The following TFB2M variants were observed in gnomAD, a reference collection of about 807,000 sequenced individuals.
The protein encoded by TFB2M is transcription factor B2, mitochondrial.
Under a neutral mutation model 41.3 loss-of-function variants are expected in TFB2M, and 44 were observed. The observed-to-expected ratio is 1.07, with a 90% confidence interval of 0.84 to 1.37. TFB2M has a LOEUF of 1.37. TFB2M is among the 40% of genes most tolerant of loss of function. The pLI is 0.00. For synonymous variants in TFB2M, 188 were observed against 176.8 expected, an observed-to-expected ratio of 1.06 and a Z score of -0.50; for missense variants, 496 against 490.2, an observed-to-expected ratio of 1.01 and a Z score of -0.11.
At chr1:246,543,410 G>A (rs987959563) in intron 7 of TFB2M, among the ~76,000 whole-genome samples, 8 of 151,882 alleles carry the variant, frequency 5.3e-5, no homozygotes, top group East Asian at 3.9e-4. Context: ...GGCTGGGCGC[G>A]GGAGCTCATG....
At chr1:246,554,929 G>A (rs918813094) in intron 4 of TFB2M, among the ~76,000 whole-genome samples, 12 of 152,014 alleles carry the variant, frequency 7.9e-5, no homozygotes, top group African/African-American at 2.9e-4. Context: ...CCATAGAATG[G>A]GAGAAAATAT....
In TFB2M at chr1:246,566,222, T is replaced by C; in HGVS notation, c.-84A>G. Reference sequence around the variant, plus strand: ...CACGCAGGGTATCCCACGTGGAACATTTTCTGGCGTCCGGGCCAGGTCAAG... The same window carrying C: ...CACGCAGGGTATCCCACGTGGAACACTTTCTGGCGTCCGGGCCAGGTCAAG... On this transcript the variant is annotated 5_prime_UTR_variant, in exon 1 of 8. It removes an upstream start codon present in the reference 5' UTR. Transcript: ENST00000366514. 1 of 1,412,174 alleles carries C rather than the reference T, an allele frequency of 7.1e-7. No homozygotes were observed. The highest frequency in any genetic ancestry group is 9.6e-7 in the Non-Finnish European group (1 of 1,040,142). The allele number at this position is 1,412,174 out of a possible 1,614,324, so 87.5% of individuals were successfully genotyped here.
At chr1:246,546,693 C>T (rs1001186148) in intron 6 of TFB2M, among the ~76,000 whole-genome samples, 1 of 149,336 alleles carries the variant, frequency 6.7e-6, no homozygotes, top group East Asian at 1.9e-4. Context: ...TGAGTCCTTG[C>T]TATATTCAAG....
chr1:246,555,260 C>T (rs566560175), intron 4 of TFB2M, among the ~76,000 whole-genome samples: 2 of 152,110 alleles, frequency 1.3e-5, no homozygotes, highest in African/African-American at 4.8e-5. Flanking sequence ...GGTGCATCCA[C>T]GACGGATAAC....
intron 6 of TFB2M, among the ~76,000 whole-genome samples, chr1:246,545,074 G>A (rs1406700502): frequency 6.6e-6 from 1 of 151,672 alleles, no homozygotes; most frequent in Non-Finnish European, 1.5e-5. Flanking sequence ...CCAAAGTGCT[G>A]GGATTACAGG....
rs769805998 is a variant in TFB2M at position 246,541,063 on chromosome 1, A to G, written c.1159T>C (p.Trp387Arg). 1 of 1,613,464 alleles carries G rather than the reference A, an allele frequency of 6.2e-7. No homozygotes were observed. Among genetic ancestry groups the G allele is most frequent in the Non-Finnish European group, 8.5e-7 (1 of 1,179,682 alleles). Residue 387 changes from tryptophan to arginine, a missense_variant, in exon 8 of 8, where the codon TGG becomes CGG. By Grantham distance (101) the Trp-to-Arg change is moderately radical. Transcript: ENST00000366514. ...IERSKDCAYK[W>R]LYDETLEDR Reference sequence around the variant, plus strand: ...TCTTCCAGGGTTTCATCATACAGCCATTTATAAGCACAATCTTTGGAACGC... The same window carrying G: ...TCTTCCAGGGTTTCATCATACAGCCGTTTATAAGCACAATCTTTGGAACGC...
intron 3 of TFB2M, 143 bp downstream of exon 3, chr1:246,557,238 A>C (rs1432172831): frequency 1.5e-5 from 14 of 915,450 alleles, no homozygotes. Context: ...GCGCCACTGC[A>C]CTCCAGCCTG....
chr1:246,556,274 C>T lies in TFB2M; in HGVS notation c.705+299G>A, dbSNP rs1179631976. 4.6e-5 allele frequency among the ~76,000 whole-genome samples: 7 copies of T among 152,062 alleles called. No homozygotes were observed. In the South Asian group the frequency reaches 8.3e-4, roughly 18 times the overall value. On this transcript the variant is annotated intron_variant, in intron 4 of 7. Transcript: ENST00000366514. ...GAGACAGAAAGTAGAATAATGATTA[C>T]TAGGGGACGCAGGAAGAGGGAAACG...
In TFB2M at chr1:246,557,457, T is replaced by TC. The variant is rs1659353734; in HGVS notation, c.479dup (p.Val161SerfsTer14). On this transcript the variant is annotated frameshift_variant, in exon 3 of 8. Coordinates refer to ENST00000366514, the MANE Select transcript of TFB2M (RefSeq NM_022366.3). LOFTEE classifies it high-confidence loss of function. The stretch of plus-strand genomic sequence containing the variant: ...AAGACATAGCAGGTGGTTTTATTAC[T>TC]CCACCACTTCTAGGATCTAGTTTAA... The TC allele has an allele frequency of 6.2e-7, 1 of 1,613,432 alleles. No homozygotes were observed. Among genetic ancestry groups the TC allele is most frequent in the Admixed American group, 1.7e-5 (1 of 59,926 alleles).
rs1658843224 is a variant in TFB2M at position 246,541,142 on chromosome 1, C to T, written c.1080G>A (p.Glu360=). ...CTTGAGGGTGCATGTTAACTACTTT[C>T]TCATCCTCCTGTTTTCCTATTTGCA... ...ILMQIGKQED[E]KVVNMHPQDF... The change falls in exon 8 of 8, where the codon GAG becomes GAA. Residue 360 remains glutamate, a synonymous_variant. Coordinates refer to ENST00000366514, the MANE Select transcript of TFB2M (RefSeq NM_022366.3). 1.4e-5 allele frequency: 23 copies of T among 1,614,106 alleles called. No homozygotes were observed. The highest frequency in any genetic ancestry group is 1.9e-5 in the Non-Finnish European group (23 of 1,179,974).
chr1:246,553,726 G>C (rs1484397048), intron 4 of TFB2M, among the ~76,000 whole-genome samples: 7 of 152,184 alleles, frequency 4.6e-5, no homozygotes, highest in Admixed American at 3.9e-4. Flanking sequence ...GACATTTCAT[G>C]TTCGTGGATT....
At chr1:246,562,174 T>G (rs1659472916) in intron 2 of TFB2M, among the ~76,000 whole-genome samples, 1 of 152,160 alleles carries the variant, frequency 6.6e-6, no homozygotes, top group South Asian at 2.1e-4. Flanking sequence ...ACAGACATTT[T>G]CACAATTTTT....
At chr1:246,551,137 T>C in intron 5 of TFB2M, 76 bp downstream of exon 5, 1 of 1,117,260 alleles carries the variant, frequency 9.0e-7, no homozygotes, top group Non-Finnish European at 1.4e-6. Flanking sequence ...ATTGTGCCAC[T>C]GCACTCCAGC....
At chr1:246,552,804 T>C (rs747628433) in intron 4 of TFB2M, among the ~76,000 whole-genome samples, 1 of 152,002 alleles carries the variant, frequency 6.6e-6, no homozygotes, top group Non-Finnish European at 1.5e-5. Context: ...CTGAGTATGG[T>C]AGCTCACACT....
intron 6 of TFB2M, among the ~76,000 whole-genome samples, chr1:246,546,321 A>AAAAAAAAAAAAAG (rs1572084729): frequency 6.6e-6 from 1 of 150,808 alleles, no homozygotes; most frequent in Non-Finnish European, 1.5e-5. Flanking sequence ...TTAAAAAAAG[A>AAAAAAAAAAAAAG]AAAAAAAATA....
intron 6 of TFB2M, among the ~76,000 whole-genome samples, chr1:246,544,905 AT>A (rs1414385171): frequency 3.3e-5 from 5 of 151,824 alleles, no homozygotes; most frequent in African/African-American, 1.2e-4. Flanking sequence ...TCCCGGGTTC[AT>A]GCCATTCTCC....
intron 5 of TFB2M, among the ~76,000 whole-genome samples, chr1:246,549,334 C>A (rs1362923309): frequency 6.6e-6 from 1 of 152,222 alleles, no homozygotes; most frequent in East Asian, 1.9e-4. Context: ...GTAATCCCAG[C>A]ACTTTGGGAG....
At chr1:246,545,664 T>C (rs978383519) in intron 6 of TFB2M, among the ~76,000 whole-genome samples, 20 of 151,762 alleles carry the variant, frequency 1.3e-4, no homozygotes, top group African/African-American at 4.6e-4. Flanking sequence ...AGTACAAAAA[T>C]TGGCAGGGTA....
chr1:246,565,425 C>G (rs1400179277), intron 1 of TFB2M, among the ~76,000 whole-genome samples: 2 of 152,140 alleles, frequency 1.3e-5, no homozygotes, highest in Admixed American at 1.3e-4. Context: ...AACAAAGACC[C>G]GTATCTGGAC....
Sources: gnomAD v4.1 joint callset for allele counts (sites outside exome capture counted in the v4.1 genomes callset) on GRCh38, gnomAD v4.1.1 for gene constraint, MANE v1.5 for transcripts, NCBI Gene and HGNC (gene_info 2026-07-23, HGNC 2026-07-21) for gene names.